The following CTXND2 variants were observed in gnomAD, a reference collection of about 807,000 sequenced individuals.
The protein encoded by CTXND2 is cortexin domain containing 2.
At chr1:150,908,041 C>T (rs1262473547) in intron 1 of CTXND2, among the ~76,000 whole-genome samples, 4 of 140,656 alleles carry the variant, frequency 2.8e-5, no homozygotes, top group South Asian at 2.3e-4. Flanking sequence ...CAGTGTCTCA[C>T]TCTGTCACTC....
chr1:150,890,429 G>A (rs942258710), intron 1 of CTXND2, among the ~76,000 whole-genome samples: 17 of 152,128 alleles, frequency 1.1e-4, no homozygotes, highest in Non-Finnish European at 2.4e-4. Flanking sequence ...GCTCAAGCAG[G>A]GGCTTTACAG....
chr1:150,900,117 G>T (rs1229017168), intron 1 of CTXND2, among the ~76,000 whole-genome samples: 1 of 152,164 alleles, frequency 6.6e-6, no homozygotes, highest in African/African-American at 2.4e-5. Flanking sequence ...CCACCGTGTG[G>T]AGGCTGTATT....
intron 1 of CTXND2, among the ~76,000 whole-genome samples, chr1:150,893,391 T>C (rs953463605): frequency 6.6e-6 from 1 of 152,230 alleles, no homozygotes; most frequent in African/African-American, 2.4e-5. Flanking sequence ...GTGAACATTT[T>C]TGTCTGGTTC....
intron 1 of CTXND2, among the ~76,000 whole-genome samples, chr1:150,905,968 C>T (rs587652908): frequency 6.7e-5 from 10 of 149,060 alleles, no homozygotes; most frequent in South Asian, 2.1e-4. Context: ...CCAGGCTGGG[C>T]GACAGAGCGA....
At chr1:150,904,996 G>C (rs1453264242) in intron 1 of CTXND2, among the ~76,000 whole-genome samples, 1 of 149,234 alleles carries the variant, frequency 6.7e-6, no homozygotes, top group Admixed American at 6.7e-5. Context: ...AAGGATTAAA[G>C]TAGAGGAGAT....
chr1:150,903,396 CCTGT>C (rs1410807489), intron 1 of CTXND2, among the ~76,000 whole-genome samples: 1 of 152,072 alleles, frequency 6.6e-6, no homozygotes, highest in African/African-American at 2.4e-5. Context: ...CTGAAGTGTT[CCTGT>C]CTGTCTTAAC....
At chr1:150,900,572 C>T (rs1249911855) in intron 1 of CTXND2, among the ~76,000 whole-genome samples, 6 of 152,150 alleles carry the variant, frequency 3.9e-5, no homozygotes, top group African/African-American at 1.2e-4. Context: ...CACTTGAACC[C>T]GGGAGGTGGA....
At chr1:150,907,420 T>C (rs1331363190) in intron 1 of CTXND2, among the ~76,000 whole-genome samples, 1 of 152,206 alleles carries the variant, frequency 6.6e-6, no homozygotes, top group Non-Finnish European at 1.5e-5. Context: ...AATTATATAA[T>C]ATGCTGGGGG....
At chr1:150,905,432 C>G (rs587708952) in intron 1 of CTXND2, among the ~76,000 whole-genome samples, 1 of 152,028 alleles carries the variant, frequency 6.6e-6, no homozygotes, top group African/African-American at 2.4e-5. Flanking sequence ...AGGCATGAGC[C>G]GTGGCACCCG....
At chr1:150,905,017 T>C (rs1669110279) in intron 1 of CTXND2, among the ~76,000 whole-genome samples, 1 of 147,692 alleles carries the variant, frequency 6.8e-6, no homozygotes. Flanking sequence ...ACACACAAAT[T>C]TTAAAATTAT....
rs190150433 is a variant in CTXND2, at chr1:150,891,340, A to C, written c.-74+4027A>C. On this transcript the variant is annotated intron_variant, in intron 1 of 1. Coordinates refer to ENST00000636087, the Ensembl canonical transcript of CTXND2. ...ACCATTCTCCTGCCTCAGCCTCCCG[A>C]GTAGCTAGGACTACAGGCACCCGCC... Among the ~76,000 whole-genome samples the C allele has an allele frequency of 1.9e-4, 29 of 151,972 alleles. No homozygotes were observed. The East Asian group carries it at 5.2e-3, about 27-fold the overall frequency.
intron 1 of CTXND2, among the ~76,000 whole-genome samples, chr1:150,908,381 C>T (rs1479297564): frequency 1.3e-5 from 2 of 152,146 alleles, no homozygotes; most frequent in Non-Finnish European, 2.9e-5. Context: ...TACATTCCCA[C>T]CAACCGTCAA....
intron 1 of CTXND2, among the ~76,000 whole-genome samples, chr1:150,898,034 A>G (rs1668932536): frequency 6.6e-6 from 1 of 152,190 alleles, no homozygotes; most frequent in Non-Finnish European, 1.5e-5. Context: ...ACCACTTTTC[A>G]AAACAAATCT....
At chr1:150,890,243 C>T (rs1668829732) in intron 1 of CTXND2, among the ~76,000 whole-genome samples, 1 of 150,034 alleles carries the variant, frequency 6.7e-6, no homozygotes, top group Non-Finnish European at 1.5e-5. Flanking sequence ...TTTTAAATTA[C>T]TGAAACTCTT....
At chr1:150,900,177 A>G (rs1198200542) in intron 1 of CTXND2, among the ~76,000 whole-genome samples, 1 of 152,114 alleles carries the variant, frequency 6.6e-6, no homozygotes, top group African/African-American at 2.4e-5. Context: ...TTGGGTCTGC[A>G]CTACCTTTAT....
At chr1:150,893,261 G>A (rs1056169389) in intron 1 of CTXND2, among the ~76,000 whole-genome samples, 5 of 151,850 alleles carry the variant, frequency 3.3e-5, no homozygotes, top group Admixed American at 6.6e-5. Context: ...ACTCATCTGC[G>A]GGCAATGACG....
At chr1:150,889,237 G>A (rs761422898) in intron 1 of CTXND2, among the ~76,000 whole-genome samples, 32 of 151,736 alleles carry the variant, frequency 2.1e-4, no homozygotes, top group African/African-American at 4.8e-4. Context: ...ATGAGACCCC[G>A]TCTCTACAAA....
intron 1 of CTXND2, among the ~76,000 whole-genome samples, chr1:150,892,589 AG>A (rs1668867340): frequency 7.1e-6 from 1 of 140,540 alleles, no homozygotes; most frequent in Non-Finnish European, 1.5e-5. Context: ...CCTGGATTGC[AG>A]TGGTATGAAA....
At chr1:150,896,679 T>C (rs776873324) in intron 1 of CTXND2, among the ~76,000 whole-genome samples, 16 of 152,220 alleles carry the variant, frequency 1.1e-4, no homozygotes, top group Non-Finnish European at 1.9e-4. Flanking sequence ...GCCAACACCA[T>C]ATCTCAAAGT....
Sources: gnomAD v4.1 joint callset for allele counts (sites outside exome capture counted in the v4.1 genomes callset) on GRCh38, gnomAD v4.1.1 for gene constraint, MANE v1.5 for transcripts, NCBI Gene and HGNC (gene_info 2026-07-23, HGNC 2026-07-21) for gene names.